The following DHRS4L2 variants were observed in gnomAD, a reference collection of about 807,000 sequenced individuals.
DHRS4L2 encodes the protein dehydrogenase/reductase SDR family member 4-like 2.
DHRS4L2 carries 22 observed loss-of-function variants against 23.9 expected under a neutral mutation model. The observed-to-expected ratio is 0.92, with a 90% CI of 0.66 to 1.31. The LOEUF (loss-of-function observed/expected upper bound fraction) is 1.31. Among genes scored for constraint, DHRS4L2 ranks in the 40% most tolerant of loss-of-function variants. The pLI is 0.00. For missense variants in DHRS4L2, 385 were observed against 303.3 expected (o/e 1.27, Z -2.00); for synonymous variants, 141 against 123.7 (o/e 1.14, Z -0.93).
At chr14:23,994,726 TC>T (rs1212784385) in intron 2 of DHRS4L2, among the ~76,000 whole-genome samples, 1 of 151,756 alleles carries the variant, frequency 6.6e-6, no homozygotes, top group Non-Finnish European at 1.5e-5. Flanking sequence ...TAGCGGCAGA[TC>T]TTAGGGTAGT....
chr14:23,994,850 C>T (rs74396817), intron 2 of DHRS4L2, among the ~76,000 whole-genome samples, 182 bp from the exon 3 acceptor site: 28,959 of 148,932 alleles, frequency 0.19, 3,100 homozygotes, highest in East Asian at 0.35. Context: ...GGTCTCGCTG[C>T]ATGGCCCAGG....
chr14:23,971,412 G>T (rs377473098), intron 1 of DHRS4L2, among the ~76,000 whole-genome samples: 39 of 151,800 alleles, frequency 2.6e-4, no homozygotes, highest in East Asian at 5.8e-4. Flanking sequence ...AGTGATTGAA[G>T]ATAAAATTAA....
chr14:23,995,601 C>T (rs1403361690), intron 3 of DHRS4L2, among the ~76,000 whole-genome samples: 4 of 151,780 alleles, frequency 2.6e-5, no homozygotes, highest in Admixed American at 2.0e-4. Context: ...TTATAACATA[C>T]ATCCTTTAAA....
intron 1 of DHRS4L2, among the ~76,000 whole-genome samples, chr14:23,971,359 C>A (rs2033854667): frequency 1.3e-5 from 2 of 151,948 alleles, no homozygotes; most frequent in South Asian, 4.2e-4. Flanking sequence ...GAAGGATACA[C>A]AAGCTTCAAT....
In DHRS4L2 at chr14:23,990,186, G is replaced by A. The variant is rs771245455; in HGVS notation, c.133G>A (p.Gly45Ser). The change falls in exon 2 of 8, where the codon GGC becomes AGC. Residue 45 changes from glycine (G) to serine (S), a missense_variant. By Grantham distance (56) the Gly-to-Ser change is moderately conservative (BLOSUM62 0). Transcript: ENST00000335125. ...ALVTASTDGIGFAIARRLAQD... is the reference protein window; with the variant it reads ...ALVTASTDGISFAIARRLAQD... ...TTTGTCTCTTTCTGCTCACAGGATC[G>A]GCTTCGCCATCGCCCGGCGTTTGGC... 3.4e-5 allele frequency: 55 copies of A among 1,612,606 alleles called. 4 individuals are homozygous for A. Among genetic ancestry groups the A allele is most frequent in the East Asian group, 2.2e-5 (1 of 44,890 alleles).
At chr14:23,970,117 G>C (rs2033819695) in exon 1 of DHRS4L2, 1 of 456,166 alleles carries the variant, frequency 2.2e-6, no homozygotes, top group African/African-American at 2.0e-5. Context: ...CCACCGTGGA[G>C]CTCATCTGAG....
At chr14:23,984,132 A>G (rs975545372), upstream of DHRS4L2, among the ~76,000 whole-genome samples, 1 of 151,618 alleles carries the variant, frequency 6.6e-6, no homozygotes, top group African/African-American at 2.4e-5. Context: ...GTGCAGTGTA[A>G]TCTCATTTGT....
intron 7 of DHRS4L2, chr14:24,004,821 T>C (rs927260813): frequency 5.1e-6 from 1 of 194,440 alleles, no homozygotes; most frequent in African/African-American, 8.3e-5. Flanking sequence ...TCCCCTTGCC[T>C]AAGGAGTTAC....
rs982425675 is a variant in DHRS4L2 at position 23,991,959 on chromosome 14, C to T, written c.306+1600C>T. ...CCATGTTGGCCAGGCTGGTCTTGAACTCCTGACCTCAGGTGATCCACCCCC... is the reference window on the plus strand; with the variant it reads ...CCATGTTGGCCAGGCTGGTCTTGAATTCCTGACCTCAGGTGATCCACCCCC... On this transcript the variant is annotated intron_variant, in intron 2 of 7. Coordinates refer to ENST00000335125, the MANE Select transcript of DHRS4L2 (RefSeq NM_198083.4). Among the ~76,000 whole-genome samples, 11 of 151,492 alleles carry T rather than the reference C, an allele frequency of 7.3e-5. 1 individual carries two copies. Among genetic ancestry groups the T allele is most frequent in the Non-Finnish European group, 1.2e-4 (8 of 67,862 alleles).
intron 1 of DHRS4L2, among the ~76,000 whole-genome samples, chr14:23,977,362 AACTGGGTGTGC>A (rs2033987355): frequency 6.6e-6 from 1 of 151,706 alleles, no homozygotes; most frequent in African/African-American, 2.4e-5. Context: ...ACATGAGTGG[AACTGGGTGTGC>A]CTCAGATCTG....
intron 2 of DHRS4L2, among the ~76,000 whole-genome samples, chr14:23,994,354 T>C (rs2034332307): frequency 6.6e-6 from 1 of 151,554 alleles, no homozygotes; most frequent in African/African-American, 2.4e-5. Context: ...GAAAAGAGCG[T>C]CAGAGACAGC....
chr14:23,989,029 G>C lies in DHRS4L2; in HGVS notation c.82G>C (p.Asp28His). The C allele has an allele frequency of 1.9e-6, 3 of 1,603,866 alleles. No homozygotes were observed. The highest frequency in any genetic ancestry group is 2.6e-6 in the Non-Finnish European group (3 of 1,175,318). The stretch of plus-strand genomic sequence containing the variant: ...GGCCAGCTCCAGGATGACCCGCCGG[G>C]ACCCGCTCACAAATAAGGTGGCCCT... Reference protein sequence around the residue: ...RMASSRMTRRDPLTNKVALVT... With the variant: ...RMASSRMTRRHPLTNKVALVT... Residue 28 changes from aspartate to histidine, a missense_variant, in exon 1 of 8, where the codon GAC becomes CAC. Physicochemically the swap from Asp to His is moderately conservative, Grantham distance 81. Transcript: ENST00000335125.
At chr14:23,991,478 T>A (rs2034268043) in intron 2 of DHRS4L2, among the ~76,000 whole-genome samples, 3 of 151,736 alleles carry the variant, frequency 2.0e-5, no homozygotes. Context: ...AAACAACCTG[T>A]GCCCCCCACC....
rs778384826 is a variant in DHRS4L2, at chr14:23,989,013, C to G, written c.66C>G (p.Ser22=). Residue 22 remains serine, a synonymous_variant, in exon 1 of 8, where the codon TCC becomes TCG. Coordinates refer to ENST00000335125, the MANE Select transcript of DHRS4L2 (RefSeq NM_198083.4). ...GGAAGTCGGTGCGGATGGCCAGCTC[C>G]AGGATGACCCGCCGGGACCCGCTCA... ...WARKSVRMAS[S]RMTRRDPLTN... 17 of 1,609,040 alleles carry G rather than the reference C, an allele frequency of 1.1e-5. No individual in the cohort carries two copies. In the Admixed American group the frequency reaches 2.9e-4, roughly 27 times the overall value.
chr14:23,993,507 C>T (rs1288592215), intron 2 of DHRS4L2, among the ~76,000 whole-genome samples: 1 of 151,620 alleles, frequency 6.6e-6, no homozygotes, highest in African/African-American at 2.4e-5. Context: ...GGCCCACATA[C>T]TGCAACTTGC....
chr14:23,997,792 G>A (rs1175149944), intron 3 of DHRS4L2, among the ~76,000 whole-genome samples: 1 of 151,512 alleles, frequency 6.6e-6, no homozygotes, highest in Admixed American at 6.6e-5. Context: ...ATCCATGAGG[G>A]TTGGAATCAA....
intron 1 of DHRS4L2, among the ~76,000 whole-genome samples, chr14:23,976,596 A>G (rs1389719952): frequency 2.6e-5 from 4 of 151,810 alleles, no homozygotes; most frequent in African/African-American, 9.7e-5. Flanking sequence ...CAGCAACCCC[A>G]TTACTGGATA....
At chr14:23,994,946 G>C (rs2034348810) in intron 2 of DHRS4L2, 86 bp from the exon 3 acceptor site, 4 of 1,514,834 alleles carry the variant, frequency 2.6e-6, no homozygotes, top group Admixed American at 1.7e-5. Context: ...ACAGCTCCTT[G>C]CCCAGAAGGA....
At chr14:23,990,468 T>A in intron 2 of DHRS4L2, 109 bp downstream of exon 2, 3 of 1,427,630 alleles carry the variant, frequency 2.1e-6, no homozygotes, top group Non-Finnish European at 2.8e-6. Flanking sequence ...TGTGCCTTTC[T>A]ATTATGTCCA....
Sources: gnomAD v4.1 joint callset for allele counts (sites outside exome capture counted in the v4.1 genomes callset) on GRCh38, gnomAD v4.1.1 for gene constraint, MANE v1.5 for transcripts, NCBI Gene and HGNC (gene_info 2026-07-23, HGNC 2026-07-21) for gene names.